Variants in ALKBH3 observed in about 807,000 individuals in gnomAD.
ALKBH3 encodes the protein alkB homolog 3, alpha-ketoglutarate dependent dioxygenase, also known as alpha-ketoglutarate-dependent dioxygenase alkB homolog 3.
A neutral mutation model predicts 43.9 loss-of-function variants in ALKBH3; 51 were observed. The ratio of observed to expected loss-of-function variants is 1.16; its 90% CI spans 0.93 to 1.47. The LOEUF (loss-of-function observed/expected upper bound fraction) is 1.47, where lower values mean the gene tolerates loss of function less well. Ranked by LOEUF, ALKBH3 falls within the 40% of genes most tolerant of loss-of-function variation. ALKBH3 has a pLI of 0.00. For missense variants in ALKBH3, 361 were observed against 351.9 expected, an observed-to-expected ratio of 1.03 and a Z score of -0.21; for synonymous variants, 102 against 115.2, an observed-to-expected ratio of 0.89 and a Z score of 0.73.
intron 7 of ALKBH3, chr11:43,898,608 C>A: frequency 2.7e-6 from 2 of 743,850 alleles, no homozygotes; most frequent in Non-Finnish European, 2.5e-6. Context: ...GCTCATGGAC[C>A]TGCCTGGCGG....
chr11:43,893,673 C>T (rs1951799184), intron 7 of ALKBH3, among the ~76,000 whole-genome samples: 1 of 152,046 alleles, frequency 6.6e-6, no homozygotes, highest in Non-Finnish European at 1.5e-5. Context: ...TGGCTCATGT[C>T]TATAATCCCA....
chr11:43,886,445 T>C (rs1951746861), intron 4 of ALKBH3, among the ~76,000 whole-genome samples, 161 bp from the exon 5 acceptor site: 1 of 152,224 alleles, frequency 6.6e-6, no homozygotes. Context: ...TGATATACCA[T>C]GATCTTCTCA....
At chr11:43,901,365 C>T (rs1951862562) in intron 7 of ALKBH3, 151 bp from the exon 8 acceptor site, 1 of 755,410 alleles carries the variant, frequency 1.3e-6, no homozygotes, top group African/African-American at 1.8e-5. Context: ...ACTTTTCTTG[C>T]CTTCTGTTTA....
intron 8 of ALKBH3, among the ~76,000 whole-genome samples, chr11:43,915,569 C>G (rs1951977295): frequency 6.6e-6 from 1 of 152,134 alleles, no homozygotes. Context: ...GAAAATCAAT[C>G]TCCAACCATG....
chr11:43,901,089 C>T (rs1185441943), intron 7 of ALKBH3, among the ~76,000 whole-genome samples: 5 of 152,200 alleles, frequency 3.3e-5, no homozygotes, highest in African/African-American at 1.2e-4. Context: ...AGTTGTTTCA[C>T]TCTTCAGGCT....
chr11:43,919,167 T>C (rs775996272), intron 9 of ALKBH3, 31 bp downstream of exon 9: 1 of 1,566,640 alleles, frequency 6.4e-7, no homozygotes, highest in African/African-American at 1.3e-5. Flanking sequence ...TGAATCTGCT[T>C]TCATGTGGAG....
intron 5 of ALKBH3, among the ~76,000 whole-genome samples, chr11:43,888,641 A>G (rs183512955): frequency 6.6e-6 from 1 of 152,168 alleles, no homozygotes; most frequent in East Asian, 1.9e-4. Context: ...CCTTTTTTGG[A>G]ACTGTTATTT....
intron 2 of ALKBH3, 73 bp downstream of exon 2, chr11:43,882,804 G>C: frequency 7.1e-7 from 1 of 1,406,676 alleles, no homozygotes. Context: ...ATATCCTTTT[G>C]GTTTATAATG....
At chr11:43,893,163 A>G (rs550126744) in intron 7 of ALKBH3, among the ~76,000 whole-genome samples, 29 of 152,348 alleles carry the variant, frequency 1.9e-4, no homozygotes, top group African/African-American at 7.0e-4. Flanking sequence ...CATTCATTCT[A>G]GTTAATCTTT....
intron 8 of ALKBH3, 77 bp downstream of exon 8, chr11:43,901,802 A>C: frequency 2.6e-6 from 4 of 1,511,142 alleles, no homozygotes; most frequent in Non-Finnish European, 3.6e-6. Flanking sequence ...AAAAGCTTCT[A>C]CTTTCAGATT....
chr11:43,901,402 C>T, intron 7 of ALKBH3, 114 bp from the exon 8 acceptor site: 1 of 1,164,214 alleles, frequency 8.6e-7, no homozygotes, highest in Non-Finnish European at 1.2e-6. Flanking sequence ...TTGCTTATTA[C>T]ATGCCCTGGT....
At chr11:43,882,864 T>C (rs771826188) in intron 2 of ALKBH3, 133 bp downstream of exon 2, 10 of 1,082,752 alleles carry the variant, frequency 9.2e-6, no homozygotes, top group Non-Finnish European at 1.3e-5. Context: ...GTGGCTGATA[T>C]TTTGTCCGAT....
chr11:43,890,416 G>A (rs1474600150), intron 6 of ALKBH3, among the ~76,000 whole-genome samples: 2 of 152,116 alleles, frequency 1.3e-5, no homozygotes, highest in African/African-American at 2.4e-5. Context: ...GTCACTTGGG[G>A]GCGTCTGTAC....
rs546301318 is a variant in ALKBH3, at chr11:43,919,692, T to C, written c.769-226T>C. 1.1e-5 allele frequency: 5 copies of C among 467,032 alleles called. No individual in the cohort carries two copies. In the South Asian group the frequency reaches 1.4e-4, roughly 13 times the overall value. 28.9% of individuals were successfully genotyped at this position (467,032 alleles called of 1,614,324 possible). On this transcript the variant is annotated intron_variant, in intron 9 of 9. Coordinates refer to ENST00000302708, the MANE Select transcript of ALKBH3 (RefSeq NM_139178.4). Reference sequence around the variant, plus strand: ...GAGGAACAGCAACAATTAGAAAAGATGAAAATATCTCACTTCAGAGGTGCT... The same window carrying C: ...GAGGAACAGCAACAATTAGAAAAGACGAAAATATCTCACTTCAGAGGTGCT...
intron 7 of ALKBH3, chr11:43,897,240 G>C (rs758983692): frequency 5.5e-6 from 3 of 545,872 alleles, no homozygotes; most frequent in African/African-American, 1.9e-5. Flanking sequence ...CCTGTTAGTG[G>C]AACCGCGACT....
At chr11:43,897,992 C>G (rs1016590440) in intron 7 of ALKBH3, 1 of 812,160 alleles carries the variant, frequency 1.2e-6, no homozygotes, top group Non-Finnish European at 2.2e-6. Flanking sequence ...TCCATCACGC[C>G]CTCTTCAGAG....
intron 7 of ALKBH3, among the ~76,000 whole-genome samples, chr11:43,893,395 A>G (rs980428015): frequency 6.6e-6 from 1 of 152,240 alleles, no homozygotes; most frequent in Non-Finnish European, 1.5e-5. Flanking sequence ...ACCAGTGGGA[A>G]TAAACACAGG....
chr11:43,905,120 A>G (rs1395018355), intron 8 of ALKBH3, among the ~76,000 whole-genome samples: 1 of 152,226 alleles, frequency 6.6e-6, no homozygotes, highest in East Asian at 1.9e-4. Flanking sequence ...TTGAGACAGA[A>G]AAGCGTCTGT....
chr11:43,916,506 C>T (rs948760216), intron 8 of ALKBH3, among the ~76,000 whole-genome samples: 60 of 152,146 alleles, frequency 3.9e-4, no homozygotes, highest in African/African-American at 1.3e-3. Flanking sequence ...TGCTTTTAAC[C>T]AGGATGAGTG....
Sources: gnomAD v4.1 joint callset for allele counts (sites outside exome capture counted in the v4.1 genomes callset) on GRCh38, gnomAD v4.1.1 for gene constraint, MANE v1.5 for transcripts, NCBI Gene and HGNC (gene_info 2026-07-23, HGNC 2026-07-21) for gene names.